Variants in GRID2 observed in about 807,000 individuals in gnomAD.
GRID2 encodes glutamate ionotropic receptor delta type subunit 2.
Under a neutral mutation model 114.8 loss-of-function variants are expected in GRID2, and 33 were observed. The observed-to-expected ratio is 0.29, with a 90% CI of 0.22 to 0.38. The LOEUF is 0.38. Among genes scored for constraint, GRID2 ranks in the 10% least tolerant of loss-of-function variants. The pLI is 1.00. For synonymous variants in GRID2, 505 were observed against 449.9 expected (o/e 1.12, Z -1.55); for missense variants, 1,184 against 1,257.7 (o/e 0.94, Z 0.89).
At chr4:92,778,235 G>GTT (rs148905369) in intron 2 of GRID2, among the ~76,000 whole-genome samples, 1 of 150,902 alleles carries the variant, frequency 6.6e-6, no homozygotes, top group Non-Finnish European at 1.5e-5. Flanking sequence ...CTTCTCCATT[G>GTT]TTTTTTTTTA....
chr4:92,335,045 C>T (rs1727092851), intron 1 of GRID2, among the ~76,000 whole-genome samples: 1 of 152,182 alleles, frequency 6.6e-6, no homozygotes, highest in South Asian at 2.1e-4. Context: ...AATAGGTAGT[C>T]AATAAATCTC....
At chr4:93,193,207 G>T (rs1333271631) in intron 4 of GRID2, among the ~76,000 whole-genome samples, 1 of 152,118 alleles carries the variant, frequency 6.6e-6, no homozygotes, top group Non-Finnish European at 1.5e-5. Flanking sequence ...AATACAAGTA[G>T]CTCCCAGAAT....
At chr4:93,668,914 CAGTTATG>C (rs1311604819) in intron 14 of GRID2, among the ~76,000 whole-genome samples, 2 of 152,014 alleles carry the variant, frequency 1.3e-5, no homozygotes, top group African/African-American at 2.4e-5. Flanking sequence ...GATACTATCC[CAGTTATG>C]AGCTTTGGAT....
intron 12 of GRID2, among the ~76,000 whole-genome samples, chr4:93,511,214 G>A (rs111680519): frequency 0.024 from 3,585 of 152,210 alleles, 130 homozygotes; most frequent in African/African-American, 0.08. Context: ...TGGGATTACA[G>A]ACATGAGCCA....
At chr4:93,432,225 C>T (rs910922234) in intron 10 of GRID2, among the ~76,000 whole-genome samples, 2 of 152,166 alleles carry the variant, frequency 1.3e-5, no homozygotes, top group Admixed American at 6.5e-5. Flanking sequence ...CTAGTTTACA[C>T]AACAGTGTGA....
chr4:92,330,576 A>T (rs1360670587), intron 1 of GRID2, among the ~76,000 whole-genome samples: 2 of 152,190 alleles, frequency 1.3e-5, no homozygotes, highest in Non-Finnish European at 2.9e-5. Context: ...ATTTTTATTC[A>T]TAGAGACAAT....
At chr4:92,493,779 A>G (rs917554654) in intron 1 of GRID2, among the ~76,000 whole-genome samples, 29 of 152,080 alleles carry the variant, frequency 1.9e-4, no homozygotes, top group African/African-American at 6.0e-4. Flanking sequence ...TATCATTTTG[A>G]ACAGTTTGAC....
intron 2 of GRID2, among the ~76,000 whole-genome samples, chr4:92,771,550 GACTT>G (rs1489518329): frequency 6.6e-6 from 1 of 152,134 alleles, no homozygotes; most frequent in Non-Finnish European, 1.5e-5. Context: ...AGCATGTTAA[GACTT>G]AATCAAATGA....
At chr4:92,666,765 A>G (rs1732809484) in intron 2 of GRID2, among the ~76,000 whole-genome samples, 1 of 145,898 alleles carries the variant, frequency 6.9e-6, no homozygotes, top group African/African-American at 2.5e-5. Flanking sequence ...TTAGTCTTTA[A>G]TCTCTGGTTC....
chr4:93,146,380 G>A (rs547370903), intron 4 of GRID2, among the ~76,000 whole-genome samples: 4 of 152,154 alleles, frequency 2.6e-5, no homozygotes, highest in Admixed American at 6.6e-5. Context: ...TTGAGTCAAT[G>A]ATGAAAGCGC....
At chr4:93,389,909 C>T (rs777994277) in intron 8 of GRID2, among the ~76,000 whole-genome samples, 1 of 152,224 alleles carries the variant, frequency 6.6e-6, no homozygotes, top group South Asian at 2.1e-4. Flanking sequence ...CCGCCTCAGC[C>T]CCCCAAGTAG....
chr4:92,425,860 AAAGC>A (rs1385786586), intron 1 of GRID2, among the ~76,000 whole-genome samples: 5 of 152,172 alleles, frequency 3.3e-5, no homozygotes, highest in Non-Finnish European at 7.4e-5. Context: ...TAATATATTT[AAAGC>A]ATTGACCAAT....
At chr4:93,775,995 C>A (rs77667081), downstream of GRID2, among the ~76,000 whole-genome samples, 1 of 152,148 alleles carries the variant, frequency 6.6e-6, no homozygotes, top group Non-Finnish European at 1.5e-5. Context: ...CTAAGACACA[C>A]AATTGAATAA....
chr4:92,836,695 C>T lies in GRID2; in HGVS notation c.244+246409C>T, dbSNP rs139611054. Reference sequence around the variant, plus strand: ...AGAGCATGTAGGCTGAGTAGAAAGACGGCCCTAGCCTAGTAAACAGAATTA... The same window carrying T: ...AGAGCATGTAGGCTGAGTAGAAAGATGGCCCTAGCCTAGTAAACAGAATTA... On this transcript the variant is annotated intron_variant, in intron 2 of 15. Transcript: ENST00000282020. 5.7e-3 allele frequency among the ~76,000 whole-genome samples: 875 copies of T among 152,182 alleles called. 14 individuals carry two copies. The highest frequency in any genetic ancestry group is 0.02 in the African/African-American group (828 of 41,552).
intron 2 of GRID2, among the ~76,000 whole-genome samples, chr4:92,851,737 C>T (rs1743815285): frequency 6.6e-6 from 1 of 151,902 alleles, no homozygotes; most frequent in Non-Finnish European, 1.5e-5. Flanking sequence ...AAATGCCATG[C>T]TTTCCATTAT....
intron 1 of GRID2, among the ~76,000 whole-genome samples, chr4:92,583,657 A>T (rs953233913): frequency 3.8e-5 from 2 of 52,276 alleles, no homozygotes; most frequent in Non-Finnish European, 7.5e-5. Flanking sequence ...GATAATAATT[A>T]TATATATATA....
intron 14 of GRID2, among the ~76,000 whole-genome samples, chr4:93,738,986 G>C (rs1731152549): frequency 6.6e-6 from 1 of 151,926 alleles, no homozygotes; most frequent in South Asian, 2.1e-4. Flanking sequence ...GCACTTAATT[G>C]ATTCTTCAGC....
At chr4:93,432,959 G>A (rs1356148713) in intron 10 of GRID2, among the ~76,000 whole-genome samples, 2 of 152,068 alleles carry the variant, frequency 1.3e-5, no homozygotes, top group East Asian at 3.9e-4. Flanking sequence ...AGTCCGAGCT[G>A]TTGAGGAGGC....
At chr4:93,248,973 G>A (rs1010886176) in intron 8 of GRID2, among the ~76,000 whole-genome samples, 4 of 152,074 alleles carry the variant, frequency 2.6e-5, no homozygotes, top group African/African-American at 9.7e-5. Flanking sequence ...ATTGATACTT[G>A]TTCCTTTGTT....
Sources: allele counts gnomAD v4.1 joint callset (sites outside exome capture counted in the v4.1 genomes callset), GRCh38; gene constraint gnomAD v4.1.1; transcripts MANE v1.5; gene names NCBI Gene and HGNC (gene_info 2026-07-23, HGNC 2026-07-21).